KIF6: variants seen among roughly 807,000 people sequenced by gnomAD.
KIF6 encodes kinesin-like protein KIF6.
A neutral mutation model predicts 112.7 loss-of-function variants in KIF6; 106 were observed. The ratio of observed to expected loss-of-function variants is 0.94; its 90% CI spans 0.80 to 1.11. The LOEUF (loss-of-function observed/expected upper bound fraction) is 1.11. Ranked by LOEUF, KIF6 falls within the 50% of genes least tolerant of loss-of-function variation. The pLI, the probability that KIF6 is intolerant of heterozygous loss-of-function variation, is 0.00. For synonymous variants in KIF6, 339 were observed against 339.9 expected, an observed-to-expected ratio of 1.00 and a Z score of 0.03; for missense variants, 929 against 964.0, an observed-to-expected ratio of 0.96 and a Z score of 0.48.
At chr6:39,518,489 A>C (rs2150521415) in intron 13 of KIF6, among the ~76,000 whole-genome samples, 1 of 152,358 alleles carries the variant, frequency 6.6e-6, no homozygotes, top group African/African-American at 2.4e-5. Context: ...TATTTTACTG[A>C]GAGTTTTACT....
chr6:39,582,306 A>T (rs1394235462), intron 9 of KIF6, among the ~76,000 whole-genome samples: 1 of 152,098 alleles, frequency 6.6e-6, no homozygotes, highest in Non-Finnish European at 1.5e-5. Flanking sequence ...TCCTTAGGAG[A>T]TTTGAGCTCA....
intron 3 of KIF6, among the ~76,000 whole-genome samples, chr6:39,687,289 G>T (rs1787933409): frequency 1.3e-5 from 2 of 152,178 alleles, no homozygotes; most frequent in Non-Finnish European, 2.9e-5. Flanking sequence ...GGAACCAACG[G>T]ACAGGACCAA....
intron 13 of KIF6, among the ~76,000 whole-genome samples, chr6:39,516,133 G>A (rs1178173579): frequency 6.6e-6 from 1 of 152,100 alleles, no homozygotes; most frequent in East Asian, 1.9e-4. Context: ...CTGGTTTCAA[G>A]CATTTTGGGT....
chr6:39,557,707 CA>C (rs1779782507), intron 10 of KIF6, among the ~76,000 whole-genome samples: 1 of 151,486 alleles, frequency 6.6e-6, no homozygotes, highest in African/African-American at 2.4e-5. Context: ...CCTCAGAAGT[CA>C]AAAAATGAAC....
chr6:39,404,000 A>G (rs916975438), intron 15 of KIF6, among the ~76,000 whole-genome samples: 1 of 152,080 alleles, frequency 6.6e-6, no homozygotes, highest in African/African-American at 2.4e-5. Flanking sequence ...TTTAAAATAA[A>G]TGAACTGTTT....
intron 15 of KIF6, among the ~76,000 whole-genome samples, chr6:39,401,892 A>G (rs564316965): frequency 6.6e-6 from 1 of 152,290 alleles, no homozygotes; most frequent in South Asian, 2.1e-4. Flanking sequence ...TGGCAACAAA[A>G]CTAGCAGAGA....
At position 39,712,298 on chromosome 6, in the gene KIF6, GA is replaced by G. The variant is rs1014108618; in HGVS notation, c.251+2393del. ...GAGAAAGACAAGACAAAGGCTGACA[GA>G]AAAAAATAGCAAAACTAATTTCAGG... On this transcript the variant is annotated intron_variant, in intron 3 of 22. Transcript: ENST00000287152. Among the ~76,000 whole-genome samples, 45 of 149,528 alleles carry G rather than the reference GA, an allele frequency of 3.0e-4. 1 individual carries two copies. Among genetic ancestry groups the G allele is most frequent in the Non-Finnish European group, 4.2e-4 (28 of 67,276 alleles).
chr6:39,680,322 T>C (rs1318401490), intron 3 of KIF6, among the ~76,000 whole-genome samples: 1 of 152,222 alleles, frequency 6.6e-6, no homozygotes, highest in Non-Finnish European at 1.5e-5. Flanking sequence ...AATTAGTTTT[T>C]AATTCAGAAA....
intron 3 of KIF6, among the ~76,000 whole-genome samples, chr6:39,692,534 G>T (rs1409747280): frequency 1.3e-5 from 2 of 152,186 alleles, no homozygotes; most frequent in Non-Finnish European, 2.9e-5. Flanking sequence ...TTACATTGTG[G>T]AAGCTTTGCA....
At chr6:39,522,411 C>T (rs774189551) in intron 13 of KIF6, among the ~76,000 whole-genome samples, 11 of 152,186 alleles carry the variant, frequency 7.2e-5, no homozygotes, top group Non-Finnish European at 1.5e-4. Flanking sequence ...TTCCTACCCA[C>T]CTAATTTCTT....
At chr6:39,573,589 G>A (rs1780761925) in intron 10 of KIF6, among the ~76,000 whole-genome samples, 1 of 152,128 alleles carries the variant, frequency 6.6e-6, no homozygotes. Flanking sequence ...TGCAACATTT[G>A]TTCTCCCTAA....
chr6:39,555,333 C>T (rs1779637341), intron 10 of KIF6, among the ~76,000 whole-genome samples: 1 of 152,150 alleles, frequency 6.6e-6, no homozygotes, highest in Admixed American at 6.5e-5. Context: ...CCATGCCCCT[C>T]CCCCTATACC....
chr6:39,336,301 C>T lies in KIF6; in HGVS notation c.*231G>A. 1 of 552,866 alleles carries T rather than the reference C, an allele frequency of 1.8e-6. No individual in the cohort carries two copies. The highest frequency in any genetic ancestry group is 3.2e-6 in the Non-Finnish European group (1 of 309,012). 34.2% of individuals were successfully genotyped at this position (552,866 alleles called of 1,614,324 possible). On this transcript the variant is annotated 3_prime_UTR_variant, in exon 23 of 23. Coordinates refer to ENST00000287152, the MANE Select transcript of KIF6 (RefSeq NM_145027.6). ...CTCTGGCCTTGCCTGGCCCTGCCAG[C>T]AGCTCCAGCAACCACAGGAAGGATG...
chr6:39,377,848 T>C (rs1329996559), intron 16 of KIF6, among the ~76,000 whole-genome samples: 2 of 152,176 alleles, frequency 1.3e-5, no homozygotes, highest in East Asian at 3.9e-4. Context: ...CCACGTGGCA[T>C]CACAGTCGAA....
In KIF6 at chr6:39,613,243, C is replaced by T. The variant is rs759240960; in HGVS notation, c.585G>A (p.Glu195=). ...KNLTLHQATT[E]EEALNLLFLG... is the part of the protein sequence containing the mutation. ...AAAAAAGCAAATTCAGAGCTTCTTC[C>T]TCTGTGGTTGCCTGATGGAGAGTCA... The change falls in exon 6 of 23, where the codon GAG becomes GAA. Residue 195 remains glutamate (E), a synonymous_variant. Transcript: ENST00000287152. 25 of 1,606,090 alleles carry T rather than the reference C, an allele frequency of 1.6e-5. No individual in the cohort carries two copies. The highest frequency in any genetic ancestry group is 3.4e-5 in the Admixed American group (2 of 58,988).
intron 16 of KIF6, among the ~76,000 whole-genome samples, chr6:39,366,245 G>A (rs1271589459): frequency 6.6e-6 from 1 of 152,210 alleles, no homozygotes; most frequent in Non-Finnish European, 1.5e-5. Flanking sequence ...TGGCAGACAT[G>A]ATCACCTCTG....
At chr6:39,636,178 T>C (rs575141474) in intron 4 of KIF6, among the ~76,000 whole-genome samples, 2 of 152,086 alleles carry the variant, frequency 1.3e-5, no homozygotes, top group Non-Finnish European at 2.9e-5. Flanking sequence ...AATAAATCCC[T>C]ATCTGTTCTT....
At chr6:39,594,622 C>G (rs917824902) in intron 7 of KIF6, among the ~76,000 whole-genome samples, 1 of 152,108 alleles carries the variant, frequency 6.6e-6, no homozygotes, top group African/African-American at 2.4e-5. Context: ...GATAGGGTCC[C>G]TTAGGTTTCT....
At chr6:39,375,013 A>G (rs1766318181) in intron 16 of KIF6, among the ~76,000 whole-genome samples, 5 of 152,264 alleles carry the variant, frequency 3.3e-5, no homozygotes, top group Admixed American at 3.3e-4. Flanking sequence ...TATATACACA[A>G]TGGAATACTA....
Sources: allele counts gnomAD v4.1 joint callset (sites outside exome capture counted in the v4.1 genomes callset), GRCh38; gene constraint gnomAD v4.1.1; transcripts MANE v1.5; gene names NCBI Gene and HGNC (gene_info 2026-07-23, HGNC 2026-07-21).